The following RGS6 variants were observed in gnomAD, a reference collection of about 807,000 sequenced individuals.
RGS6 encodes regulator of G protein signaling 6, also known as regulator of G-protein signaling 6.
Under a neutral mutation model 78.5 loss-of-function variants are expected in RGS6, and 30 were observed. That is an observed-to-expected ratio of 0.38 (90% CI 0.29 to 0.52). The LOEUF is 0.52. RGS6 is among the 20% of genes least tolerant of loss of function. The pLI, the probability that RGS6 is intolerant of heterozygous loss-of-function variation, is 0.85. For synonymous variants in RGS6, 206 were observed against 206.0 expected, an observed-to-expected ratio of 1.00 and a Z score of 0.00; for missense variants, 495 against 609.7, an observed-to-expected ratio of 0.81 and a Z score of 1.98.
chr14:72,556,391 A>G (rs1253797988), intron 17 of RGS6, among the ~76,000 whole-genome samples: 1 of 152,172 alleles, frequency 6.6e-6, no homozygotes, highest in Non-Finnish European at 1.5e-5. Context: ...AACCACCCCC[A>G]TGATCCAATC....
chr14:72,546,249 G>A (rs2097400919), intron 17 of RGS6, among the ~76,000 whole-genome samples: 1 of 152,226 alleles, frequency 6.6e-6, no homozygotes, highest in Non-Finnish European at 1.5e-5. Context: ...TTGACTCTGT[G>A]TGAAATTAGG....
intron 2 of RGS6, among the ~76,000 whole-genome samples, chr14:71,972,353 T>TC (rs981665879): frequency 6.6e-6 from 1 of 151,676 alleles, no homozygotes; most frequent in Non-Finnish European, 1.5e-5. Flanking sequence ...TGTTTTTTTT[T>TC]TATAATTTCC....
chr14:72,263,690 A>G (rs1179188664), intron 2 of RGS6, among the ~76,000 whole-genome samples: 2 of 152,316 alleles, frequency 1.3e-5, no homozygotes, highest in Admixed American at 1.3e-4. Context: ...GTGAGGACAC[A>G]GAAGACACCA....
chr14:71,882,469 A>G, the RGS6 span, among the ~76,000 whole-genome samples: 5 of 152,198 alleles, frequency 3.3e-5, no homozygotes, highest in Non-Finnish European at 7.3e-5. Context: ...CACTTTTAAA[A>G]TATGTGGTTC....
chr14:72,547,019 G>T, intron 17 of RGS6: 1 of 674,244 alleles, frequency 1.5e-6, no homozygotes. Context: ...TGCCATCCTC[G>T]TGCAGCCACA....
chr14:72,522,677 T>A (rs2097062755), intron 15 of RGS6, among the ~76,000 whole-genome samples: 1 of 109,106 alleles, frequency 9.2e-6, no homozygotes, highest in Non-Finnish European at 1.9e-5. Flanking sequence ...AAAATACAAT[T>A]CTTCTTTTAG....
chr14:72,359,157 A>G lies in RGS6; in HGVS notation c.184+6963A>G, dbSNP rs1596245694. Among the ~76,000 whole-genome samples, 4 of 152,180 alleles carry G rather than the reference A, an allele frequency of 2.6e-5. No individual in the cohort carries two copies. In the South Asian group the frequency reaches 8.3e-4, roughly 32 times the overall value. The stretch of plus-strand genomic sequence containing the variant: ...TCCAGCCATGCTGTACTGTCTGTCA[A>G]TTAAACCTCTTTTCTTTATTTCCCA... On this transcript the variant is annotated intron_variant, in intron 3 of 17. Transcript: ENST00000553525.
chr14:72,219,079 G>A (rs2046271928), intron 2 of RGS6, among the ~76,000 whole-genome samples: 1 of 151,816 alleles, frequency 6.6e-6, no homozygotes, highest in African/African-American at 2.4e-5. Flanking sequence ...AAGTCCATGT[G>A]TTAGATAAGG....
chr14:72,579,368 C>T, the RGS6 span, among the ~76,000 whole-genome samples: 1 of 152,212 alleles, frequency 6.6e-6, no homozygotes, highest in African/African-American at 2.4e-5. Flanking sequence ...GGCCAGAGCA[C>T]AGCACTCTAT....
rs950126055 is a variant in RGS6 at position 72,379,646 on chromosome 14, A to T, written c.184+27452A>T. Among the ~76,000 whole-genome samples the T allele has an allele frequency of 2.6e-5, 4 of 152,128 alleles. No homozygotes were observed. The East Asian group carries it at 7.7e-4, about 29-fold the overall frequency. On this transcript the variant is annotated intron_variant, in intron 3 of 17. Transcript: ENST00000553525. ...GAAATGAAAGACCTTTGTAAGGAAA[A>T]CTACAAAACACTGATGAAAGAAGTT... is the stretch of plus-strand genomic sequence containing the variant.
chr14:72,496,532 G>T (rs1049755567), intron 13 of RGS6, among the ~76,000 whole-genome samples: 2 of 152,204 alleles, frequency 1.3e-5, no homozygotes, highest in East Asian at 1.9e-4. Flanking sequence ...AAGAAAATGC[G>T]TAGTGCCCAA....
intron 3 of RGS6, among the ~76,000 whole-genome samples, chr14:72,438,728 GTCTCCTTGCTTCTAC>G (rs1170088234): frequency 6.6e-6 from 1 of 152,200 alleles, no homozygotes; most frequent in Non-Finnish European, 1.5e-5. Context: ...TTCCAAACTG[GTCTCCTTGCTTCTAC>G]TCCTCTCCCT....
intron 2 of RGS6, among the ~76,000 whole-genome samples, chr14:72,204,870 C>T (rs921655759): frequency 2.0e-5 from 3 of 152,208 alleles, no homozygotes; most frequent in Non-Finnish European, 4.4e-5. Context: ...TACTTATATC[C>T]AGGGGGAGCA....
chr14:72,470,571 T>C (rs2096048023), intron 8 of RGS6, among the ~76,000 whole-genome samples: 2 of 152,130 alleles, frequency 1.3e-5, no homozygotes, highest in Non-Finnish European at 2.9e-5. Flanking sequence ...TATCAGATTA[T>C]TACATTAATT....
At chr14:72,222,830 C>T (rs756566414) in intron 2 of RGS6, among the ~76,000 whole-genome samples, 23 of 152,182 alleles carry the variant, frequency 1.5e-4, no homozygotes, top group Non-Finnish European at 3.2e-4. Context: ...ACTATGGATG[C>T]CTCCATGAGC....
At chr14:72,080,636 A>G (rs577540563) in intron 2 of RGS6, among the ~76,000 whole-genome samples, 30 of 152,144 alleles carry the variant, frequency 2.0e-4, no homozygotes, top group Non-Finnish European at 3.8e-4. Flanking sequence ...TTCTTCTAGT[A>G]ATTTTACAGT....
chr14:72,626,775 C>T, the RGS6 span, among the ~76,000 whole-genome samples: 1 of 152,076 alleles, frequency 6.6e-6, no homozygotes, highest in African/African-American at 2.4e-5. Context: ...CAGGGTTGTA[C>T]TAATTTGTAT....
chr14:72,302,434 C>T (rs1408027211), intron 2 of RGS6, among the ~76,000 whole-genome samples: 1 of 152,200 alleles, frequency 6.6e-6, no homozygotes, highest in Non-Finnish European at 1.5e-5. Flanking sequence ...AGTTCGTTGT[C>T]ACTAAAAGGA....
the RGS6 span, among the ~76,000 whole-genome samples, chr14:72,615,114 A>G: frequency 4.3e-3 from 656 of 152,168 alleles, 7 homozygotes; most frequent in African/African-American, 0.015. Flanking sequence ...AGGGGCTAGG[A>G]GGGGCAGCCG....
Sources: allele counts gnomAD v4.1 joint callset (sites outside exome capture counted in the v4.1 genomes callset), GRCh38; gene constraint gnomAD v4.1.1; transcripts MANE v1.5; gene names NCBI Gene and HGNC (gene_info 2026-07-23, HGNC 2026-07-21).